Variants in OTUD7B observed in about 807,000 individuals in gnomAD.
The protein encoded by OTUD7B is OTU domain-containing protein 7B.
In OTUD7B, 34 loss-of-function variants were observed where a neutral mutation model predicts 82.2. That is an observed-to-expected ratio of 0.41 (90% CI 0.31 to 0.55). The LOEUF (loss-of-function observed/expected upper bound fraction) is 0.55, where lower values mean the gene tolerates loss of function less well. Among genes scored for constraint, OTUD7B ranks in the 20% least tolerant of loss-of-function variants. The pLI, the probability that OTUD7B is intolerant of heterozygous loss-of-function variation, is 0.20. For missense variants in OTUD7B, 944 were observed against 1,062.1 expected, an observed-to-expected ratio of 0.89 and a Z score of 1.55; for synonymous variants, 398 against 402.7, an observed-to-expected ratio of 0.99 and a Z score of 0.14.
intron 1 of OTUD7B, among the ~76,000 whole-genome samples, chr1:150,008,218 C>T (rs1652793758): frequency 6.6e-6 from 1 of 152,150 alleles, no homozygotes; most frequent in African/African-American, 2.4e-5. Flanking sequence ...GTATGCAGTT[C>T]AACTTAGGGA....
At chr1:149,976,436 A>AC (rs1650312841) in intron 2 of OTUD7B, among the ~76,000 whole-genome samples, 1 of 151,172 alleles carries the variant, frequency 6.6e-6, no homozygotes, top group Non-Finnish European at 1.5e-5. Flanking sequence ...AAATGGAGAA[A>AC]CCCCATCTCT....
the OTUD7B span, among the ~76,000 whole-genome samples, chr1:150,049,895 A>G: frequency 1.3e-5 from 2 of 152,144 alleles, no homozygotes; most frequent in Non-Finnish European, 2.9e-5. Context: ...TTTTTAAAAA[A>G]GAAAGGTTAT....
Position 149,944,286 on chromosome 1 carries a change from C to T in OTUD7B, c.2103G>A (p.Pro701=), listed in dbSNP as rs56929499. 32 of 1,610,040 alleles carry T rather than the reference C, an allele frequency of 2.0e-5. No homozygotes were observed. The highest frequency in any genetic ancestry group is 2.5e-5 in the Non-Finnish European group (29 of 1,177,706). The part of the protein sequence containing the change: ...GYPGDFTIPR[P]SGGGVHCQEP... Reference sequence around the variant, plus strand: ...CCTGGCAGTGGACTCCGCCCCCAGACGGCCGAGGGATAGTAAAGTCCCCAG... The same window carrying T: ...CCTGGCAGTGGACTCCGCCCCCAGATGGCCGAGGGATAGTAAAGTCCCCAG... The change falls in exon 12 of 12, where the codon CCG becomes CCA. Residue 701 remains proline (P), a synonymous_variant. Transcript: ENST00000581312.
chr1:150,023,654 T>C, the OTUD7B span, among the ~76,000 whole-genome samples: 1 of 152,148 alleles, frequency 6.6e-6, no homozygotes, highest in Admixed American at 6.5e-5. Flanking sequence ...AAAGCAGAGA[T>C]GTTGGTCAAA....
chr1:149,952,711 G>A (rs1375916200), intron 7 of OTUD7B, among the ~76,000 whole-genome samples: 1 of 152,158 alleles, frequency 6.6e-6, no homozygotes, highest in Non-Finnish European at 1.5e-5. Context: ...TCCAGTACCT[G>A]TTGTTTCCTG....
chr1:150,051,814 C>T, the OTUD7B span, among the ~76,000 whole-genome samples: 1 of 151,982 alleles, frequency 6.6e-6, no homozygotes, highest in Non-Finnish European at 1.5e-5. Context: ...ATTTTATTTG[C>T]TTCAAATGGA....
the OTUD7B span, among the ~76,000 whole-genome samples, chr1:150,032,455 C>T: frequency 3.1e-5 from 3 of 97,774 alleles, no homozygotes; most frequent in African/African-American, 1.3e-4. Context: ...ATAGCAAGAA[C>T]CTGTCTACAG....
chr1:149,944,025 C>A lies in OTUD7B; in HGVS notation c.2364G>T (p.Trp788Cys). 1 of 1,614,208 alleles carries A rather than the reference C, an allele frequency of 6.2e-7. No individual in the cohort carries two copies. Among genetic ancestry groups the A allele is most frequent in the South Asian group, 1.1e-5 (1 of 91,088 alleles). The change falls in exon 12 of 12, where the codon TGG becomes TGT. Residue 788 changes from tryptophan (W) to cysteine (C), a missense_variant. Around this residue, in one of 3 missense-constraint regions of OTUD7B, gnomAD observed 412 missense variants for 418.7 expected, o/e 0.98. Coordinates refer to ENST00000581312, the MANE Select transcript of OTUD7B (RefSeq NM_020205.4). ...GGGGAAGGCCCCGGAGACCTCCAGCCCATCCATCTGGCTCAGGGGGCTCTC... is the reference window on the plus strand; with the variant it reads ...GGGGAAGGCCCCGGAGACCTCCAGCACATCCATCTGGCTCAGGGGGCTCTC... ...GYREPPEPDG[W>C]AGGLRGLPPT...
At chr1:150,028,778 C>A in the OTUD7B span, among the ~76,000 whole-genome samples, 2 of 152,236 alleles carry the variant, frequency 1.3e-5, no homozygotes, top group Middle Eastern at 3.2e-3. Context: ...TCAAGCGATT[C>A]TCCTGCCTCA....
the OTUD7B span, among the ~76,000 whole-genome samples, chr1:150,059,088 C>A: frequency 1.5e-5 from 2 of 130,792 alleles, no homozygotes; most frequent in African/African-American, 5.9e-5. Flanking sequence ...GAGTCTTACT[C>A]TCTTGGCCAG....
chr1:149,996,680 A>G (rs1559863282), intron 1 of OTUD7B, among the ~76,000 whole-genome samples: 1 of 152,242 alleles, frequency 6.6e-6, no homozygotes, highest in Non-Finnish European at 1.5e-5. Context: ...GTAAGGTTGC[A>G]TAACAGTATC....
At chr1:149,987,998 C>T (rs182653192) in intron 1 of OTUD7B, among the ~76,000 whole-genome samples, 5 of 152,158 alleles carry the variant, frequency 3.3e-5, no homozygotes, top group Admixed American at 6.5e-5. Context: ...CCACCTGTAC[C>T]TCTTACTACT....
intron 11 of OTUD7B, among the ~76,000 whole-genome samples, chr1:149,946,172 G>A (rs1553772040): frequency 4.6e-5 from 7 of 151,800 alleles, no homozygotes. Context: ...AGACCAGCCT[G>A]GCCAACATGG....
chr1:149,959,027 C>T (rs1046020964), intron 7 of OTUD7B, among the ~76,000 whole-genome samples: 3 of 151,668 alleles, frequency 2.0e-5, no homozygotes, highest in Non-Finnish European at 4.4e-5. Context: ...TTTGAGATCA[C>T]CCTGGCCAAA....
At chr1:149,968,558 T>C (rs1649678308) in intron 3 of OTUD7B, among the ~76,000 whole-genome samples, 1 of 152,204 alleles carries the variant, frequency 6.6e-6, no homozygotes, top group Non-Finnish European at 1.5e-5. Flanking sequence ...GCTTCAATTA[T>C]GTAATGATTT....
the OTUD7B span, among the ~76,000 whole-genome samples, chr1:150,030,285 C>T: frequency 1.3e-5 from 2 of 152,072 alleles, no homozygotes; most frequent in Non-Finnish European, 2.9e-5. Flanking sequence ...AATTTCCTTA[C>T]CCTCCAGGCC....
the OTUD7B span, among the ~76,000 whole-genome samples, chr1:150,020,838 C>T: frequency 1.3e-5 from 2 of 152,176 alleles, no homozygotes; most frequent in African/African-American, 4.8e-5. Flanking sequence ...CATTTCCCCC[C>T]AAAATGTTTG....
At chr1:149,987,579 T>C (rs891383152) in intron 1 of OTUD7B, among the ~76,000 whole-genome samples, 1 of 152,222 alleles carries the variant, frequency 6.6e-6, no homozygotes, top group Non-Finnish European at 1.5e-5. Flanking sequence ...CAATTGTCAG[T>C]TGCCTTCTTT....
intron 1 of OTUD7B, among the ~76,000 whole-genome samples, chr1:149,986,245 A>T (rs1279594129): frequency 4.6e-5 from 7 of 150,850 alleles, no homozygotes; most frequent in African/African-American, 1.7e-4. Flanking sequence ...CATCACACAC[A>T]CACACACACA....
Sources: allele counts gnomAD v4.1 joint callset (sites outside exome capture counted in the v4.1 genomes callset), GRCh38; gene constraint gnomAD v4.1.1; regional missense constraint gnomAD v4.1.1; transcripts MANE v1.5; gene names NCBI Gene and HGNC (gene_info 2026-07-23, HGNC 2026-07-21).